MOV10L1: variants seen among roughly 807,000 people sequenced by gnomAD.
MOV10L1 encodes RNA helicase Mov10l1.
A neutral mutation model predicts 143.8 loss-of-function variants in MOV10L1; 110 were observed. The ratio of observed to expected loss-of-function variants is 0.76; its 90% CI spans 0.66 to 0.90. MOV10L1 has a LOEUF of 0.90. Among genes scored for constraint, MOV10L1 ranks in the 40% least tolerant of loss-of-function variants. The pLI is 0.00. For missense variants in MOV10L1, 1,406 were observed against 1,526.8 expected, an observed-to-expected ratio of 0.92 and a Z score of 1.32; for synonymous variants, 593 against 581.1, an observed-to-expected ratio of 1.02 and a Z score of -0.29.
At chr22:50,109,734 C>T (rs917279537) in intron 5 of MOV10L1, 18 of 173,996 alleles carry the variant, frequency 1.0e-4, no homozygotes, top group African/African-American at 4.3e-4. Flanking sequence ...CCCAGCTACA[C>T]ACGAGGTTGA....
At chr22:50,091,621 C>T (rs1198543394) in intron 1 of MOV10L1, among the ~76,000 whole-genome samples, 2 of 152,202 alleles carry the variant, frequency 1.3e-5, no homozygotes, top group African/African-American at 4.8e-5. Flanking sequence ...CAGCAGCTCT[C>T]TTGGGTAGTG....
At chr22:50,161,239 C>A in intron 26 of MOV10L1, 129 bp from the exon 27 acceptor site, 1 of 1,005,676 alleles carries the variant, frequency 9.9e-7, no homozygotes. Flanking sequence ...GGGGTCATGT[C>A]ACCTTTCCCA....
chr22:50,124,143 A>G (rs1325617522), intron 10 of MOV10L1, among the ~76,000 whole-genome samples: 4 of 151,418 alleles, frequency 2.6e-5, no homozygotes, highest in Admixed American at 6.6e-5. Flanking sequence ...TCTCTCCTCT[A>G]ATCTTTATTT....
intron 2 of MOV10L1, chr22:50,094,352 T>C (rs2147004176): frequency 6.6e-6 from 1 of 152,198 alleles, no homozygotes; most frequent in South Asian, 2.1e-4. Context: ...TCATTTTCCA[T>C]CGTATTTTCA....
chr22:50,109,883 GCTCAC>G (rs1413123041), intron 5 of MOV10L1, among the ~76,000 whole-genome samples: 1 of 152,034 alleles, frequency 6.6e-6, no homozygotes, highest in African/African-American at 2.4e-5. Flanking sequence ...GGTCATGGTG[GCTCAC>G]GCCTGTAATC....
In MOV10L1 at chr22:50,099,345, C is replaced by A. The variant is rs192385090; in HGVS notation, c.283-98C>A. On this transcript the variant is annotated intron_variant, in intron 2 of 26. Transcript: ENST00000262794. ...AATCTGCCAGGGCCTTGATCTTGGA[C>A]TTGCAGCCCTAATGGTCTCAGACAG... 1.6e-5 allele frequency: 23 copies of A among 1,415,588 alleles called. No individual in the cohort carries two copies. The Admixed American group carries it at 3.7e-4, about 23-fold the overall frequency. 87.7% of individuals were successfully genotyped at this position (1,415,588 alleles called of 1,614,324 possible).
At chr22:50,145,234 G>A (rs1361219728) in intron 18 of MOV10L1, among the ~76,000 whole-genome samples, 6 of 152,208 alleles carry the variant, frequency 3.9e-5, no homozygotes, top group Non-Finnish European at 8.8e-5. Context: ...TAGCCACTGT[G>A]CCCAGCCTGA....
chr22:50,130,427 T>G (rs1235327921), intron 13 of MOV10L1, among the ~76,000 whole-genome samples: 1 of 152,168 alleles, frequency 6.6e-6, no homozygotes, highest in Non-Finnish European at 1.5e-5. Context: ...ACAGCCAGAT[T>G]GGAATGTATT....
chr22:50,131,722 GAAA>G (rs35192766), intron 13 of MOV10L1, among the ~76,000 whole-genome samples: 1 of 131,314 alleles, frequency 7.6e-6, no homozygotes. Flanking sequence ...GTACCTTTGT[GAAA>G]AAAAAAAAAA....
intron 15 of MOV10L1, among the ~76,000 whole-genome samples, chr22:50,137,510 C>T (rs1170212663): frequency 1.3e-5 from 2 of 151,904 alleles, no homozygotes; most frequent in African/African-American, 4.8e-5. Context: ...CACTGCACTC[C>T]AGCGTGGGCA....
Position 50,120,487 on chromosome 22 carries a change from A to T in MOV10L1, c.1455-15A>T, listed in dbSNP as rs538691732. 1 of 1,519,142 alleles carries T rather than the reference A, an allele frequency of 6.6e-7. No homozygotes were observed. Among genetic ancestry groups the T allele is most frequent in the South Asian group, 1.1e-5 (1 of 87,952 alleles). 94.1% of individuals were successfully genotyped at this position (1,519,142 alleles called of 1,614,324 possible). On this transcript the variant is annotated splice_polypyrimidine_tract_variant and intron_variant, in intron 9 of 26. Transcript: ENST00000262794. ...ATAAAGACTTATTTTTAACTTGTGA[A>T]CTTAATTTTTTAAGGAACTCAAGAC...
At chr22:50,118,063 G>T (rs1038241348) in intron 9 of MOV10L1, among the ~76,000 whole-genome samples, 1 of 152,156 alleles carries the variant, frequency 6.6e-6, no homozygotes, top group Non-Finnish European at 1.5e-5. Flanking sequence ...GGTGAGGTGG[G>T]TCACTTTTCT....
At chr22:50,118,071 T>A (rs1569292252) in intron 9 of MOV10L1, among the ~76,000 whole-genome samples, 1 of 152,202 alleles carries the variant, frequency 6.6e-6, no homozygotes, top group Non-Finnish European at 1.5e-5. Flanking sequence ...GGGTCACTTT[T>A]CTAATACTGA....
In MOV10L1 at chr22:50,090,052, C is replaced by G. The variant is rs943347591; in HGVS notation, c.-37C>G. ...CGGCGCGGGCGCGTGCGGGCGGCGGCAGCGGCGGTGACGGCAGCCTAGGCC... is the reference window on the plus strand; with the variant it reads ...CGGCGCGGGCGCGTGCGGGCGGCGGGAGCGGCGGTGACGGCAGCCTAGGCC... On this transcript the variant is annotated 5_prime_UTR_variant, in exon 1 of 27. Transcript: ENST00000262794. 1 of 837,676 alleles carries G rather than the reference C, an allele frequency of 1.2e-6. No individual in the cohort carries two copies. The highest frequency in any genetic ancestry group is 1.5e-6 in the Non-Finnish European group (1 of 656,136). The allele number at this position is 837,676 out of a possible 1,614,324, so 51.9% of individuals were successfully genotyped here. A position where few individuals can be genotyped will look rare whatever the true frequency, so the allele number is the denominator to read the frequency against.
chr22:50,108,366 C>T, intron 4 of MOV10L1, 118 bp downstream of exon 4: 2 of 991,748 alleles, frequency 2.0e-6, no homozygotes, highest in Non-Finnish European at 3.1e-6. Flanking sequence ...AAAGCTTTGT[C>T]ATGGCCAAAG....
At chr22:50,102,956 T>A (rs1047195026) in intron 3 of MOV10L1, among the ~76,000 whole-genome samples, 1 of 151,002 alleles carries the variant, frequency 6.6e-6, no homozygotes, top group Non-Finnish European at 1.5e-5. Context: ...CTGTCCAGGG[T>A]CGTGTCAGAG....
chr22:50,132,793 G>A (rs1225469514), intron 13 of MOV10L1, among the ~76,000 whole-genome samples: 1 of 152,184 alleles, frequency 6.6e-6, no homozygotes, highest in African/African-American at 2.4e-5. Flanking sequence ...CCAGCACTGT[G>A]GGAGGCCAAG....
Position 50,159,690 on chromosome 22 carries a change from A to G in MOV10L1, c.3229A>G (p.Arg1077Gly). ...TPYRKQVEKI[R>G]ILLRNVDLMD... ...ATCTGTTCTCAAGGTGGAGAAAATCAGAATTCTTTTGCGTAATGTTGATCT... is the reference window on the plus strand; with the variant it reads ...ATCTGTTCTCAAGGTGGAGAAAATCGGAATTCTTTTGCGTAATGTTGATCT... Residue 1077 changes from arginine to glycine, a missense_variant, in exon 24 of 27, where the codon AGA becomes GGA. Physicochemically the swap from Arg to Gly is moderately radical, Grantham distance 125 (BLOSUM62 -2). Around this residue, in one of 3 missense-constraint regions of MOV10L1, gnomAD observed 1,233 missense variants for 1,351.4 expected, o/e 0.91. Transcript: ENST00000262794. This position sits in a 1 kb window ranked among gnomAD's most constrained non-coding sequence, Gnocchi z 4.1. 2 of 1,608,644 alleles carry G rather than the reference A, an allele frequency of 1.2e-6. No homozygotes were observed. Among genetic ancestry groups the G allele is most frequent in the South Asian group, 1.1e-5 (1 of 90,728 alleles).
chr22:50,160,582 C>T, intron 24 of MOV10L1, 106 bp from the exon 25 acceptor site: 1 of 1,395,952 alleles, frequency 7.2e-7, no homozygotes, highest in Non-Finnish European at 9.7e-7. Context: ...AAAATGAGGT[C>T]ATTCTGCTAT....
Sources: allele counts gnomAD v4.1 joint callset (sites outside exome capture counted in the v4.1 genomes callset), GRCh38; gene constraint gnomAD v4.1.1; regional missense constraint gnomAD v4.1.1; non-coding constraint Gnocchi (gnomAD v3.1); transcripts MANE v1.5; gene names NCBI Gene and HGNC (gene_info 2026-07-23, HGNC 2026-07-21).